The following REEP5 variants were observed in gnomAD, a reference collection of about 807,000 sequenced individuals.
The protein encoded by REEP5 is receptor expression-enhancing protein 5.
A neutral mutation model predicts 22.4 loss-of-function variants in REEP5; 24 were observed. The observed-to-expected ratio is 1.07, with a 90% CI of 0.78 to 1.51. The LOEUF is 1.51. REEP5 is among the 40% of genes most tolerant of loss of function. REEP5 has a pLI of 0.00. For synonymous variants in REEP5, 103 were observed against 88.6 expected, an observed-to-expected ratio of 1.16 and a Z score of -0.92; for missense variants, 252 against 233.0, an observed-to-expected ratio of 1.08 and a Z score of -0.53.
chr5:112,877,255 T>C lies in REEP5; in HGVS notation c.*1531A>G, dbSNP rs570914184. The C allele has an allele frequency of 5.3e-5, 8 of 152,308 alleles. No homozygotes were observed. In the South Asian group the frequency reaches 1.2e-3, roughly 24 times the overall value. The allele number at this position is 152,308 out of a possible 1,614,324, so 9.4% of individuals were successfully genotyped here. ...TAATATTTTTTACATCATGAGACATTGTTATGATCTTACCTGATTGTTATC... is the reference window on the plus strand; with the variant it reads ...TAATATTTTTTACATCATGAGACATCGTTATGATCTTACCTGATTGTTATC... On this transcript the variant is annotated 3_prime_UTR_variant, in exon 5 of 5. Coordinates refer to ENST00000379638, the MANE Select transcript of REEP5 (RefSeq NM_005669.5).
intron 4 of REEP5, chr5:112,885,775 C>T (rs1768224547): frequency 3.9e-6 from 1 of 253,482 alleles, no homozygotes. Flanking sequence ...ATATGCCAAG[C>T]CCGTAGTCTG....
At chr5:112,915,519 G>C (rs1238034190) in intron 2 of REEP5, among the ~76,000 whole-genome samples, 1 of 152,196 alleles carries the variant, frequency 6.6e-6, no homozygotes, top group African/African-American at 2.4e-5. Context: ...AATGTTAAGT[G>C]AAACAAGGAC....
In REEP5 at chr5:112,890,464, G is replaced by T. The variant is rs568863440; in HGVS notation, c.352-3281C>A. Among the ~76,000 whole-genome samples, 123 of 150,198 alleles carry T rather than the reference G, an allele frequency of 8.2e-4. 6 individuals carry two copies. Among genetic ancestry groups the T allele is most frequent in the Middle Eastern group, 3.4e-3 (1 of 294 alleles). ...AAACACTATAGCCTCAACTTCCTGGGCTCAAGTGATTCTCCCGCCTCAGCC... is the reference window on the plus strand; with the variant it reads ...AAACACTATAGCCTCAACTTCCTGGTCTCAAGTGATTCTCCCGCCTCAGCC... On this transcript the variant is annotated intron_variant, in intron 3 of 4. Transcript: ENST00000379638.
intron 2 of REEP5, among the ~76,000 whole-genome samples, chr5:112,907,954 T>C (rs1482078344): frequency 6.6e-6 from 1 of 152,148 alleles, no homozygotes; most frequent in Non-Finnish European, 1.5e-5. Context: ...GCAATACATT[T>C]CAAATTGTAT....
intron 4 of REEP5, among the ~76,000 whole-genome samples, chr5:112,884,789 ATCTT>A (rs1326753856): frequency 7.0e-6 from 1 of 143,860 alleles, no homozygotes; most frequent in Non-Finnish European, 1.5e-5. Context: ...GCCCCCCCCC[ATCTT>A]TCTACTTGCT....
Position 112,921,273 on chromosome 5 carries a change from G to A in REEP5, c.119-17C>T, listed in dbSNP as rs759501609. On this transcript the variant is annotated splice_polypyrimidine_tract_variant and intron_variant, in intron 1 of 4. Coordinates refer to ENST00000379638, the MANE Select transcript of REEP5 (RefSeq NM_005669.5). Reference sequence around the variant, plus strand: ...CGATGACACCTGGGGACCACAAGGAGAGAAGTGGGTCGGGCAGCATGAGAG... The same window carrying A: ...CGATGACACCTGGGGACCACAAGGAAAGAAGTGGGTCGGGCAGCATGAGAG... The A allele has an allele frequency of 1.2e-5, 19 of 1,613,122 alleles. No homozygotes were observed. Among genetic ancestry groups the A allele is most frequent in the Non-Finnish European group, 1.5e-5 (18 of 1,179,310 alleles).
At chr5:112,897,366 C>A (rs903362574) in intron 3 of REEP5, 5 of 149,134 alleles carry the variant, frequency 3.4e-5, no homozygotes, top group African/African-American at 1.2e-4. Context: ...CACACACACA[C>A]ACACACACAC....
intron 3 of REEP5, chr5:112,893,669 C>T (rs193174669): frequency 6.6e-6 from 1 of 152,454 alleles, no homozygotes; most frequent in Non-Finnish European, 1.5e-5. Flanking sequence ...CTAGTAGTCT[C>T]GCTACACATG....
chr5:112,886,707 A>G (rs1161770710), intron 4 of REEP5, among the ~76,000 whole-genome samples: 1 of 152,240 alleles, frequency 6.6e-6, no homozygotes, highest in Non-Finnish European at 1.5e-5. Context: ...TTAAATAAAC[A>G]ATTAGAAGAG....
intron 1 of REEP5, 96 bp downstream of exon 1, chr5:112,921,977 A>T: frequency 7.0e-7 from 1 of 1,423,968 alleles, no homozygotes; most frequent in South Asian, 1.4e-5. Flanking sequence ...CTCCGACTCC[A>T]CCTTTCCCGA....
At chr5:112,904,837 CT>C (rs1561656499) in intron 2 of REEP5, among the ~76,000 whole-genome samples, 1 of 152,056 alleles carries the variant, frequency 6.6e-6, no homozygotes, top group African/African-American at 2.4e-5. Flanking sequence ...AAAAAAAATT[CT>C]TTTTTAATTC....
chr5:112,883,621 A>G (rs1768142963), intron 4 of REEP5, among the ~76,000 whole-genome samples: 1 of 152,152 alleles, frequency 6.6e-6, no homozygotes, highest in Non-Finnish European at 1.5e-5. Context: ...CTCATGCTTA[A>G]TATGTATAAG....
chr5:112,904,128 A>G (rs1407940970), intron 2 of REEP5, among the ~76,000 whole-genome samples: 1 of 152,164 alleles, frequency 6.6e-6, no homozygotes, highest in Non-Finnish European at 1.5e-5. Flanking sequence ...CCAGCCCCAA[A>G]TATTTCAAAG....
intron 2 of REEP5, 74 bp downstream of exon 2, chr5:112,921,089 T>G (rs1769347033): frequency 3.6e-6 from 5 of 1,397,618 alleles, no homozygotes; most frequent in Non-Finnish European, 5.0e-6. Flanking sequence ...ATTGCGGATG[T>G]GCAGTCTACT....
intron 2 of REEP5, among the ~76,000 whole-genome samples, chr5:112,917,438 G>T (rs543354866): frequency 6.6e-6 from 1 of 152,304 alleles, no homozygotes; most frequent in East Asian, 1.9e-4. Flanking sequence ...GGCAGCCCAA[G>T]TCTTAAGGAA....
intron 2 of REEP5, among the ~76,000 whole-genome samples, chr5:112,910,995 T>A (rs1190276965): frequency 6.6e-6 from 1 of 152,210 alleles, no homozygotes; most frequent in Non-Finnish European, 1.5e-5. Context: ...CCCTTGGAGT[T>A]AAGGGTATCC....
chr5:112,898,929 T>C lies in REEP5; in HGVS notation c.351+3451A>G, dbSNP rs569364699. 4.4e-4 allele frequency among the ~76,000 whole-genome samples: 67 copies of C among 152,360 alleles called. No individual in the cohort carries two copies. In the South Asian group the frequency reaches 0.011, roughly 24 times the overall value. On this transcript the variant is annotated intron_variant, in intron 3 of 4. Coordinates refer to ENST00000379638, the MANE Select transcript of REEP5 (RefSeq NM_005669.5). ...TTCTTAATTGCCTTACAAGGCATTCTGTGGTGAAGTCATTCAAAAATATAA... is the reference window on the plus strand; with the variant it reads ...TTCTTAATTGCCTTACAAGGCATTCCGTGGTGAAGTCATTCAAAAATATAA...
intron 2 of REEP5, among the ~76,000 whole-genome samples, chr5:112,916,413 G>T (rs1769233544): frequency 6.6e-6 from 1 of 152,180 alleles, no homozygotes; most frequent in Non-Finnish European, 1.5e-5. Flanking sequence ...CCATTTTCAG[G>T]TGGCCTTGTG....
intron 2 of REEP5, among the ~76,000 whole-genome samples, chr5:112,915,697 G>A (rs1164046576): frequency 6.6e-6 from 1 of 152,164 alleles, no homozygotes; most frequent in Non-Finnish European, 1.5e-5. Flanking sequence ...ACATTGGCTT[G>A]TGCTTCATAC....
Sources: allele counts gnomAD v4.1 joint callset (sites outside exome capture counted in the v4.1 genomes callset), GRCh38; gene constraint gnomAD v4.1.1; transcripts MANE v1.5; gene names NCBI Gene and HGNC (gene_info 2026-07-23, HGNC 2026-07-21).